Variants in ZNF77 observed in about 807,000 individuals in gnomAD.
ZNF77 encodes ZNFpT1.
A neutral mutation model predicts 13.5 loss-of-function variants in ZNF77; 15 were observed. The observed-to-expected ratio is 1.11, with a 90% CI of 0.74 to 1.71. The LOEUF is 1.71. ZNF77 is among the 40% of genes most tolerant of loss of function. The pLI is 0.00. For synonymous variants in ZNF77, 282 were observed against 250.0 expected (o/e 1.13, Z -1.21); for missense variants, 717 against 676.4 (o/e 1.06, Z -0.67).
chr19:2,939,267 G>A lies in ZNF77; in HGVS notation c.130+14C>T. 2 of 1,456,398 alleles carry A rather than the reference G, an allele frequency of 1.4e-6. 1 individual carries two copies. Among genetic ancestry groups the A allele is most frequent in the South Asian group, 2.4e-5 (2 of 82,986 alleles). 90.2% of individuals were successfully genotyped at this position (1,456,398 alleles called of 1,614,324 possible). A position where few individuals can be genotyped will look rare whatever the true frequency, so the allele number is the denominator to read the frequency against. The stretch of plus-strand genomic sequence containing the variant: ...TTACCCAAGGAGGCAGTGAGGGAAT[G>A]ACACCACCCTTACCCAAGGAGGCAA... On this transcript the variant is annotated intron_variant, in intron 2 of 3. Coordinates refer to ENST00000314531, the MANE Select transcript of ZNF77 (RefSeq NM_021217.3).
At chr19:2,939,552 A>T (rs73527688) in intron 1 of ZNF77, 145 bp from the exon 2 acceptor site, 22 of 1,155,604 alleles carry the variant, frequency 1.9e-5, no homozygotes, top group Non-Finnish European at 2.4e-5. Context: ...GAAAAAGTGC[A>T]GTACACTCAA....
chr19:2,944,096 G>A (rs1020597812), intron 1 of ZNF77, among the ~76,000 whole-genome samples: 2 of 149,660 alleles, frequency 1.3e-5, no homozygotes, highest in Admixed American at 6.7e-5. Context: ...AGCCCCTGAC[G>A]GCTCCTGCCC....
chr19:2,934,360 G>C lies in ZNF77; in HGVS notation c.767C>G (p.Thr256Arg). 2.5e-6 allele frequency: 4 copies of C among 1,614,188 alleles called. No individual in the cohort carries two copies. The highest frequency in any genetic ancestry group is 3.4e-6 in the Non-Finnish European group (4 of 1,180,050). ...GKTFMYYSYL[T>R]RHVRTHTGEK... ...TCCTGTGTGAGTTCTTACGTGCCGT[G>C]TAAGGTAGGAGTAATACATAAAGGT... Residue 256 changes from threonine (T) to arginine (R), a missense_variant, in exon 4 of 4, where the codon ACA (threonine) becomes AGA (arginine). Thr to Arg is a moderately conservative substitution (Grantham distance 71). Transcript: ENST00000314531.
chr19:2,936,294 T>C (rs1174501292), intron 3 of ZNF77, among the ~76,000 whole-genome samples: 1 of 151,958 alleles, frequency 6.6e-6, no homozygotes, highest in Non-Finnish European at 1.5e-5. Context: ...ATTACAGGCA[T>C]GAGCCACCAC....
In ZNF77 at chr19:2,934,150, C is replaced by A. The variant is rs2088372399; in HGVS notation, c.977G>T (p.Cys326Phe). Residue 326 changes from cysteine to phenylalanine, a missense_variant, in exon 4 of 4, where the codon TGT becomes TTT. Cys to Phe is a radical substitution (Grantham distance 205). Transcript: ENST00000314531. ...AGTGAACGCTTTTCCGCAATGTTTA[C>A]ACTGACAGGGTTTCTCTCCAGTGTG... is the stretch of plus-strand genomic sequence containing the variant. ...RTHTGEKPCQ[C>F]KHCGKAFTCY... The A allele has an allele frequency of 6.2e-7, 1 of 1,614,172 alleles. No individual in the cohort carries two copies. Among genetic ancestry groups the A allele is most frequent in the Non-Finnish European group, 8.5e-7 (1 of 1,180,022 alleles).
chr19:2,936,646 A>T lies in ZNF77; in HGVS notation c.189T>A (p.Asn63Lys), dbSNP rs1245973850. Residue 63 changes from asparagine to lysine, a missense_variant, in exon 3 of 4, where the codon AAT becomes AAA. Asn to Lys is a moderately conservative substitution (Grantham distance 94). Coordinates refer to ENST00000314531, the MANE Select transcript of ZNF77 (RefSeq NM_021217.3). Reference protein sequence around the residue: ...GSSSQRDVFGNGISNDEEIVK... With the variant: ...GSSSQRDVFGKGISNDEEIVK... ...CAATCTCTTCATCATTGGATATTCC[A>T]TTCCCAAAAACGTCCCTCTGAGAAC... is the stretch of plus-strand genomic sequence containing the variant. The T allele has an allele frequency of 6.2e-7, 1 of 1,610,426 alleles. No individual in the cohort carries two copies. The highest frequency in any genetic ancestry group is 8.5e-7 in the Non-Finnish European group (1 of 1,179,110).
chr19:2,941,402 C>G (rs935765406), intron 1 of ZNF77, among the ~76,000 whole-genome samples: 1 of 151,660 alleles, frequency 6.6e-6, no homozygotes, highest in Non-Finnish European at 1.5e-5. Flanking sequence ...CACTTAAACC[C>G]AGAGGCAGAG....
In ZNF77 at chr19:2,939,527, G is replaced by A. The variant is rs571560494; in HGVS notation, c.4-120C>T. 101 of 1,446,168 alleles carry A rather than the reference G, an allele frequency of 7.0e-5. No individual in the cohort carries two copies. The East Asian group carries it at 1.6e-3, about 23-fold the overall frequency. The allele number at this position is 1,446,168 out of a possible 1,614,324, so 89.6% of individuals were successfully genotyped here. On this transcript the variant is annotated intron_variant, in intron 1 of 3. Coordinates refer to ENST00000314531, the MANE Select transcript of ZNF77 (RefSeq NM_021217.3). ...ACACAGAGCTTATGTCCTTGTGAGA[G>A]GTGACCAACAGTATGAAAAAGTGCA...
chr19:2,944,579 CCCA>C (rs1447489612), intron 1 of ZNF77, among the ~76,000 whole-genome samples: 33 of 152,068 alleles, frequency 2.2e-4, no homozygotes, highest in African/African-American at 8.0e-4. Context: ...CTCTGCTGTC[CCCA>C]CAAGCTCTCC....
chr19:2,939,362 C>G lies in ZNF77; in HGVS notation c.49G>C (p.Glu17Gln), dbSNP rs1245519250. Residue 17 changes from glutamate (E) to glutamine (Q), a missense_variant, in exon 2 of 4, where the codon GAG becomes CAG. By Grantham distance (29) the Glu-to-Gln change is conservative. Transcript: ENST00000314531. ...EEVAVNFTPE[E>Q]WALLDHAQRS... ...TGAGCATGATCCAGCAATGCCCACT[C>G]TTCTGGGGTGAAGTTCACAGCCACT... 1 of 1,614,214 alleles carries G rather than the reference C, an allele frequency of 6.2e-7. No homozygotes were observed. Among genetic ancestry groups the G allele is most frequent in the Non-Finnish European group, 8.5e-7 (1 of 1,180,020 alleles).
In ZNF77 at chr19:2,933,235, G is replaced by C; in HGVS notation, c.*254C>G. ...TACATAGCTGAAAGCGTACAAAACAGGATATTTATTAAATGTTTATATCAC... is the reference window on the plus strand; with the variant it reads ...TACATAGCTGAAAGCGTACAAAACACGATATTTATTAAATGTTTATATCAC... On this transcript the variant is annotated 3_prime_UTR_variant, in exon 4 of 4. Coordinates refer to ENST00000314531, the MANE Select transcript of ZNF77 (RefSeq NM_021217.3). 1 of 380,420 alleles carries C rather than the reference G, an allele frequency of 2.6e-6. No individual in the cohort carries two copies. The highest frequency in any genetic ancestry group is 4.7e-6 in the Non-Finnish European group (1 of 214,704). The allele number at this position is 380,420 out of a possible 1,614,324, so 23.6% of individuals were successfully genotyped here.
At chr19:2,942,944 C>T (rs766105298) in intron 1 of ZNF77, among the ~76,000 whole-genome samples, 2 of 152,106 alleles carry the variant, frequency 1.3e-5, no homozygotes, top group Non-Finnish European at 2.9e-5. Flanking sequence ...CCACGCCCGG[C>T]TAATTTTTGT....
intron 1 of ZNF77, among the ~76,000 whole-genome samples, chr19:2,944,216 C>T (rs2088476199): frequency 6.8e-6 from 1 of 147,500 alleles, no homozygotes; most frequent in African/African-American, 2.5e-5. Flanking sequence ...CCCCTGATCG[C>T]CTCTACTGCC....
chr19:2,933,822 G>A lies in ZNF77; in HGVS notation c.1305C>T (p.Pro435=). ...IHVRTHTGEK[P]FECKHCGKAF... ...CTTTCCCACAATGCTTACACTCAAAGGGCTTCTCTCCAGTATGCGTCCTCA... is the reference window on the plus strand; with the variant it reads ...CTTTCCCACAATGCTTACACTCAAAAGGCTTCTCTCCAGTATGCGTCCTCA... The change falls in exon 4 of 4, where the codon CCC becomes CCT. Residue 435 remains proline, a synonymous_variant. Coordinates refer to ENST00000314531, the MANE Select transcript of ZNF77 (RefSeq NM_021217.3). 6.2e-7 allele frequency: 1 copy of A among 1,613,014 alleles called. No homozygotes were observed. The highest frequency in any genetic ancestry group is 1.1e-5 in the South Asian group (1 of 91,020).
Position 2,936,615 on chromosome 19 carries a change from A to T in ZNF77, c.220T>A (p.Phe74Ile). The T allele has an allele frequency of 6.2e-7, 1 of 1,611,894 alleles. No homozygotes were observed. The highest frequency in any genetic ancestry group is 8.5e-7 in the Non-Finnish European group (1 of 1,179,428). The change falls in exon 3 of 4, where the codon TTC becomes ATC. Residue 74 changes from phenylalanine to isoleucine, a missense_variant. By Grantham distance (21) the Phe-to-Ile change is conservative. Transcript: ENST00000314531. ...GISNDEEIVK[F>I]TGSDSWSIFG... ...ATAGACCAGGAATCACTTCCTGTGAACTTTACAATCTCTTCATCATTGGAT... is the reference window on the plus strand; with the variant it reads ...ATAGACCAGGAATCACTTCCTGTGATCTTTACAATCTCTTCATCATTGGAT...
intron 2 of ZNF77, among the ~76,000 whole-genome samples, chr19:2,938,678 C>T (rs8113082): frequency 0.063 from 9,631 of 152,202 alleles, 1,055 homozygotes; most frequent in African/African-American, 0.22. Context: ...TATCTTAGGC[C>T]GGGCGCGGTG....
intron 1 of ZNF77, among the ~76,000 whole-genome samples, chr19:2,942,209 T>C (rs1246925144): frequency 6.6e-6 from 1 of 151,392 alleles, no homozygotes; most frequent in Non-Finnish European, 1.5e-5. Flanking sequence ...GTAGCTGGGA[T>C]TGCAGGCACT....
chr19:2,942,969 A>T (rs1455758692), intron 1 of ZNF77, among the ~76,000 whole-genome samples: 1 of 152,020 alleles, frequency 6.6e-6, no homozygotes, highest in Non-Finnish European at 1.5e-5. Context: ...TTTAGTAGAG[A>T]TGGGATTTCA....
chr19:2,937,753 TTTTTG>T (rs144818052), intron 2 of ZNF77, among the ~76,000 whole-genome samples: 137,549 of 150,598 alleles, frequency 0.91, 63,342 homozygotes, highest in Middle Eastern at 0.96. Context: ...GTGTTTCTTT[TTTTTG>T]TTTTGTTTTG....
Sources: allele counts gnomAD v4.1 joint callset (sites outside exome capture counted in the v4.1 genomes callset), GRCh38; gene constraint gnomAD v4.1.1; transcripts MANE v1.5; gene names NCBI Gene and HGNC (gene_info 2026-07-23, HGNC 2026-07-21).